The following FBXO42 variants were observed in gnomAD, a reference collection of about 807,000 sequenced individuals.
FBXO42 encodes the protein F-box only protein 42.
A neutral mutation model predicts 71.7 loss-of-function variants in FBXO42; 12 were observed. The ratio of observed to expected loss-of-function variants is 0.17; its 90% CI spans 0.11 to 0.27. The LOEUF (loss-of-function observed/expected upper bound fraction) is 0.27, where lower values mean the gene tolerates loss of function less well. Ranked by LOEUF, FBXO42 falls within the 10% of genes least tolerant of loss-of-function variation. The probability of loss-of-function intolerance (pLI) is 1.00; values close to 1 mark genes in which losing one functional copy is unlikely to be tolerated. For missense variants in FBXO42, 707 were observed against 911.9 expected, an observed-to-expected ratio of 0.78 and a Z score of 2.89; for synonymous variants, 325 against 327.5, an observed-to-expected ratio of 0.99 and a Z score of 0.08.
At chr1:16,308,936 T>G (rs1283756311) in intron 2 of FBXO42, among the ~76,000 whole-genome samples, 2 of 150,314 alleles carry the variant, frequency 1.3e-5, no homozygotes, top group Admixed American at 6.7e-5. Flanking sequence ...AGAGACGGGG[T>G]TTCACCATGT....
At chr1:16,280,476 G>A (rs1027740787) in intron 4 of FBXO42, among the ~76,000 whole-genome samples, 4 of 152,116 alleles carry the variant, frequency 2.6e-5, no homozygotes, top group Non-Finnish European at 5.9e-5. Flanking sequence ...TAATAATAAC[G>A]TACCAATATT....
rs985659510 is a variant in FBXO42, at chr1:16,250,306, T to G, written c.*364A>C. 2.0e-5 allele frequency: 3 copies of G among 152,736 alleles called. No individual in the cohort carries two copies. The highest frequency in any genetic ancestry group is 7.2e-5 in the African/African-American group (3 of 41,440). The allele number at this position is 152,736 out of a possible 1,614,324, so 9.5% of individuals were successfully genotyped here. ...CCACATAAAGATTTACAGGGGGCTC[T>G]TCAGTTTCTTTTGGGAAGTTACTGA... On this transcript the variant is annotated 3_prime_UTR_variant, in exon 10 of 10. Coordinates refer to ENST00000375592, the MANE Select transcript of FBXO42 (RefSeq NM_018994.3). This position sits in a 1 kb window ranked among gnomAD's most constrained non-coding sequence, Gnocchi z 4.7.
At position 16,323,347 on chromosome 1, in the gene FBXO42, G is replaced by A. The variant is rs560652636; in HGVS notation, c.-17-7912C>T. ...GCCAGAGAATCGCTTGAACCTGGGA[G>A]GCAGAGGTTGCAGTAAGCCAAGATC... On this transcript the variant is annotated intron_variant, in intron 1 of 9. Coordinates refer to ENST00000375592, the MANE Select transcript of FBXO42 (RefSeq NM_018994.3). Among the ~76,000 whole-genome samples the A allele has an allele frequency of 1.0e-3, 153 of 152,142 alleles. 1 individual carries two copies. The highest frequency in any genetic ancestry group is 3.5e-3 in the African/African-American group (147 of 41,506).
chr1:16,338,266 A>T (rs1202909397), intron 1 of FBXO42, among the ~76,000 whole-genome samples: 1 of 151,424 alleles, frequency 6.6e-6, no homozygotes, highest in Non-Finnish European at 1.5e-5. Flanking sequence ...ATCTCAAAAA[A>T]AAAGAGGGAG....
chr1:16,258,142 AG>A (rs1461305799), intron 4 of FBXO42, among the ~76,000 whole-genome samples: 5 of 152,126 alleles, frequency 3.3e-5, no homozygotes, highest in Non-Finnish European at 7.4e-5. Context: ...TTCCTCTTTC[AG>A]TAGCACATTA....
intron 4 of FBXO42, among the ~76,000 whole-genome samples, chr1:16,274,547 A>G (rs1323512384): frequency 3.4e-5 from 5 of 147,128 alleles, no homozygotes; most frequent in African/African-American, 1.0e-4. Flanking sequence ...TCATTTAACT[A>G]TAAGTAATGT....
At chr1:16,299,538 C>CAA (rs2082168565) in intron 3 of FBXO42, among the ~76,000 whole-genome samples, 1 of 152,064 alleles carries the variant, frequency 6.6e-6, no homozygotes, top group South Asian at 2.1e-4. Context: ...GACCAGCAGT[C>CAA]AATTATCAAC....
At chr1:16,273,100 T>C (rs1018365721) in intron 4 of FBXO42, among the ~76,000 whole-genome samples, 4 of 152,172 alleles carry the variant, frequency 2.6e-5, no homozygotes, top group Admixed American at 1.3e-4. Flanking sequence ...AGTACTGTAT[T>C]GTATGTAATA....
In FBXO42 at chr1:16,346,266, T is replaced by G. The variant is rs1217425364; in HGVS notation, c.-18+5989A>C. Among the ~76,000 whole-genome samples, 7 of 152,278 alleles carry G rather than the reference T, an allele frequency of 4.6e-5. No homozygotes were observed. In the East Asian group the frequency reaches 1.3e-3, roughly 29 times the overall value. On this transcript the variant is annotated intron_variant, in intron 1 of 9. Coordinates refer to ENST00000375592, the MANE Select transcript of FBXO42 (RefSeq NM_018994.3). ...TTTGAAAGTGCGTTTACCCCCATAC[T>G]AGTGAATTCCTTAAAACAACTGAAA...
chr1:16,256,840 C>T, intron 4 of FBXO42, 81 bp from the exon 5 acceptor site: 1 of 1,467,470 alleles, frequency 6.8e-7, no homozygotes, highest in East Asian at 2.3e-5. Context: ...GATCACCTTT[C>T]CCTGGAAGAG....
chr1:16,251,359 G>A lies in FBXO42; in HGVS notation c.1465C>T (p.Leu489=), dbSNP rs1463791864. Residue 489 remains leucine, a synonymous_variant, in exon 10 of 10, where the codon CTA becomes TTA. Coordinates refer to ENST00000375592, the MANE Select transcript of FBXO42 (RefSeq NM_018994.3). The surrounding 1 kb of genome is among the most constrained non-coding windows in gnomAD (Gnocchi z 4.5). ...AATCTCAGATCTTTCTGATCTGGTA[G>A]TGATCCTCGTCGGGGGGCCAAAGAA... ...GLSLAPRRGS[L]PDQKDLRLGS... is the part of the protein sequence containing the mutation. 2 of 1,614,202 alleles carry A rather than the reference G, an allele frequency of 1.2e-6. No individual in the cohort carries two copies. The highest frequency in any genetic ancestry group is 2.2e-5 in the East Asian group (1 of 44,876).
intron 3 of FBXO42, 108 bp downstream of exon 3, chr1:16,305,695 T>A (rs529096150): frequency 2.2e-6 from 2 of 911,248 alleles, no homozygotes; most frequent in Admixed American, 3.6e-5. Context: ...GCTTGGGTGA[T>A]AGAGTGAGAC....
At chr1:16,261,290 A>G (rs2081708634) in intron 4 of FBXO42, among the ~76,000 whole-genome samples, 1 of 152,224 alleles carries the variant, frequency 6.6e-6, no homozygotes, top group Non-Finnish European at 1.5e-5. Context: ...CTCTCCAAGG[A>G]AAGGTAAGCT....
At chr1:16,263,303 T>C (rs1263644801) in intron 4 of FBXO42, among the ~76,000 whole-genome samples, 1 of 150,996 alleles carries the variant, frequency 6.6e-6, no homozygotes, top group East Asian at 2.0e-4. Context: ...AAAATTAGCT[T>C]GGGTGTGGTG....
chr1:16,283,499 T>TTTTTTTTGTTTTG (rs1203566612), intron 4 of FBXO42, among the ~76,000 whole-genome samples: 26 of 135,176 alleles, frequency 1.9e-4, no homozygotes, highest in Non-Finnish European at 3.5e-4. Context: ...GGCAAGTTTT[T>TTTTTTTTGTTTTG]TTTTTTTTTT....
At chr1:16,344,827 G>T (rs1282979205) in intron 1 of FBXO42, among the ~76,000 whole-genome samples, 2 of 152,110 alleles carry the variant, frequency 1.3e-5, no homozygotes, top group Non-Finnish European at 2.9e-5. Context: ...GGCCGGGCGT[G>T]GTGGCTCACA....
At chr1:16,329,159 T>C (rs56113039) in intron 1 of FBXO42, among the ~76,000 whole-genome samples, 35,183 of 118,698 alleles carry the variant, frequency 0.3, 5,256 homozygotes, top group Non-Finnish European at 0.36. Flanking sequence ...TGAGACTCTG[T>C]CTCAAAAAAA....
In FBXO42 at chr1:16,251,373, G is replaced by A. The variant is rs1339187357; in HGVS notation, c.1451C>T (p.Pro484Leu). Residue 484 changes from proline to leucine, a missense_variant, in exon 10 of 10, where the codon CCC (proline) becomes CTC (leucine). This residue lies in a region of FBXO42 where 482 missense variants were observed against 587.1 expected (regional missense o/e 0.82). Transcript: ENST00000375592. The surrounding 1 kb of genome is among the most constrained non-coding windows in gnomAD (Gnocchi z 4.5). ...YDLKIGLSLA[P>L]RRGSLPDQKD... is the part of the protein sequence containing the mutation. ...CTGATCTGGTAGTGATCCTCGTCGG[G>A]GGGCCAAAGAAAGTCCTATTTTCAG... The A allele has an allele frequency of 6.2e-7, 1 of 1,614,008 alleles. No individual in the cohort carries two copies. Among genetic ancestry groups the A allele is most frequent in the South Asian group, 1.1e-5 (1 of 91,084 alleles).
At chr1:16,303,568 ATTTTTTT>A (rs35346839) in intron 3 of FBXO42, among the ~76,000 whole-genome samples, 1 of 141,350 alleles carries the variant, frequency 7.1e-6, no homozygotes, top group Non-Finnish European at 1.6e-5. Flanking sequence ...CAAGAAGATA[ATTTTTTT>A]TTTTTTTTTG....
Sources: gnomAD v4.1 joint callset for allele counts (sites outside exome capture counted in the v4.1 genomes callset) on GRCh38, gnomAD v4.1.1 for gene constraint, gnomAD v4.1.1 regional missense constraint, Gnocchi (gnomAD v3.1) non-coding constraint, MANE v1.5 for transcripts, NCBI Gene and HGNC (gene_info 2026-07-23, HGNC 2026-07-21) for gene names.